Variants in DDX10 observed in about 807,000 individuals in gnomAD.
The protein encoded by DDX10 is probable ATP-dependent RNA helicase DDX10.
Under a neutral mutation model 104.3 loss-of-function variants are expected in DDX10, and 74 were observed. The observed-to-expected ratio is 0.71, with a 90% CI of 0.59 to 0.86. The LOEUF is 0.86. Among genes scored for constraint, DDX10 ranks in the 40% least tolerant of loss-of-function variants. The probability of loss-of-function intolerance (pLI) is 0.00; values close to 1 mark genes in which losing one functional copy is unlikely to be tolerated. For missense variants in DDX10, 952 were observed against 1,040.0 expected (o/e 0.92, Z 1.16); for synonymous variants, 351 against 353.4 (o/e 0.99, Z 0.08).
At position 108,719,896 on chromosome 11, in the gene DDX10, A is replaced by T; in HGVS notation, c.1499+11A>T. ...ACCTGAATATGCCCTGTAAGTATTC[A>T]TAATATAGTTGTAATAGTGAATCCT... On this transcript the variant is annotated intron_variant, in intron 12 of 17. Coordinates refer to ENST00000322536, the MANE Select transcript of DDX10 (RefSeq NM_004398.4). 1 of 1,425,224 alleles carries T rather than the reference A, an allele frequency of 7.0e-7. No homozygotes were observed. Among genetic ancestry groups the T allele is most frequent in the East Asian group, 2.3e-5 (1 of 43,914 alleles). 88.3% of individuals were successfully genotyped at this position (1,425,224 alleles called of 1,614,324 possible).
chr11:108,899,949 A>C (rs1202044958), intron 16 of DDX10, among the ~76,000 whole-genome samples: 14 of 152,124 alleles, frequency 9.2e-5, no homozygotes. Flanking sequence ...CCTCATCTCT[A>C]CTAAATACAA....
intron 13 of DDX10, among the ~76,000 whole-genome samples, chr11:108,829,273 T>C (rs1862438329): frequency 6.6e-6 from 1 of 152,218 alleles, no homozygotes; most frequent in South Asian, 2.1e-4. Flanking sequence ...TTATTTTTTA[T>C]TTTTTGATTA....
intron 17 of DDX10, among the ~76,000 whole-genome samples, chr11:108,923,126 G>A (rs1424048582): frequency 6.6e-6 from 1 of 152,096 alleles, no homozygotes; most frequent in African/African-American, 2.4e-5. Context: ...GTTAGGATTT[G>A]TTGTTGTTGT....
At chr11:108,738,544 T>A (rs924440601) in intron 13 of DDX10, among the ~76,000 whole-genome samples, 1 of 152,106 alleles carries the variant, frequency 6.6e-6, no homozygotes, top group Admixed American at 6.6e-5. Context: ...CTATCTAGTT[T>A]CCAGTGTGTC....
At chr11:108,733,197 A>G (rs1416434379) in intron 13 of DDX10, among the ~76,000 whole-genome samples, 1 of 151,876 alleles carries the variant, frequency 6.6e-6, no homozygotes, top group Admixed American at 6.6e-5. Context: ...CTAACTTTGA[A>G]GCTTATAAGT....
At chr11:108,811,259 G>A (rs1862176249) in intron 13 of DDX10, among the ~76,000 whole-genome samples, 1 of 152,194 alleles carries the variant, frequency 6.6e-6, no homozygotes, top group Admixed American at 6.5e-5. Context: ...ATAAAAATTA[G>A]GAAATGTGAC....
intron 16 of DDX10, among the ~76,000 whole-genome samples, chr11:108,879,760 T>C (rs757611817): frequency 1.6e-4 from 24 of 152,220 alleles, no homozygotes; most frequent in Non-Finnish European, 2.5e-4. Flanking sequence ...AAAATTTTAC[T>C]AATAAAAAAT....
chr11:108,880,430 A>G (rs1863212115), intron 16 of DDX10, among the ~76,000 whole-genome samples: 1 of 152,200 alleles, frequency 6.6e-6, no homozygotes, highest in Admixed American at 6.5e-5. Context: ...AATTTAATCC[A>G]TAACAGCATT....
intron 13 of DDX10, among the ~76,000 whole-genome samples, chr11:108,785,936 G>A (rs922616153): frequency 2.6e-5 from 4 of 152,040 alleles, no homozygotes; most frequent in African/African-American, 7.2e-5. Flanking sequence ...TAGGTGTGAT[G>A]TTAGATTCTT....
intron 9 of DDX10, among the ~76,000 whole-genome samples, chr11:108,703,880 G>A (rs1043693127): frequency 5.3e-5 from 8 of 152,270 alleles, no homozygotes; most frequent in African/African-American, 1.9e-4. Flanking sequence ...GAAAAGATGT[G>A]TGTAATGTAA....
At chr11:108,678,500 C>G in intron 5 of DDX10, 65 bp downstream of exon 5, 1 of 1,367,970 alleles carries the variant, frequency 7.3e-7, no homozygotes, top group African/African-American at 1.5e-5. Flanking sequence ...AGCCCTTATA[C>G]ATTTTTATGA....
intron 6 of DDX10, among the ~76,000 whole-genome samples, chr11:108,687,076 C>T (rs181090854): frequency 5.6e-4 from 85 of 152,246 alleles, no homozygotes; most frequent in African/African-American, 1.6e-3. Context: ...TGAGTCACTG[C>T]GCCCGGCCTC....
chr11:108,851,723 A>G (rs1403285596), intron 15 of DDX10, among the ~76,000 whole-genome samples: 1 of 152,126 alleles, frequency 6.6e-6, no homozygotes, highest in Non-Finnish European at 1.5e-5. Flanking sequence ...GAGATCAGTC[A>G]TTTTCTAAAG....
At chr11:108,887,258 T>TC (rs1863309420) in intron 16 of DDX10, among the ~76,000 whole-genome samples, 2 of 152,156 alleles carry the variant, frequency 1.3e-5, no homozygotes, top group Admixed American at 1.3e-4. Context: ...TCCAATGTGA[T>TC]AGTCAAGGCT....
chr11:108,674,547 G>A (rs1032494332), intron 2 of DDX10, among the ~76,000 whole-genome samples: 18 of 149,190 alleles, frequency 1.2e-4, no homozygotes, highest in African/African-American at 4.0e-4. Context: ...GTCTTGCTCC[G>A]TCACCCAGGG....
At chr11:108,784,309 TA>T (rs1179031580) in intron 13 of DDX10, among the ~76,000 whole-genome samples, 10 of 152,156 alleles carry the variant, frequency 6.6e-5, no homozygotes, top group Admixed American at 5.9e-4. Context: ...TAACATCTTT[TA>T]TTTTTTTGAC....
intron 16 of DDX10, among the ~76,000 whole-genome samples, chr11:108,908,040 A>G (rs1863619843): frequency 6.6e-6 from 1 of 152,220 alleles, no homozygotes; most frequent in Non-Finnish European, 1.5e-5. Flanking sequence ...CTTAGTAAAT[A>G]CATACTCACT....
At chr11:108,890,354 C>T (rs2134639311) in intron 16 of DDX10, among the ~76,000 whole-genome samples, 1 of 152,236 alleles carries the variant, frequency 6.6e-6, no homozygotes, top group East Asian at 1.9e-4. Context: ...CTTCTGCTCT[C>T]TAGTTACTTC....
Position 108,691,942 on chromosome 11 carries a change from C to T in DDX10, c.1042C>T (p.Arg348Ter). 6.8e-6 allele frequency: 11 copies of T among 1,613,948 alleles called. No individual in the cohort carries two copies. The highest frequency in any genetic ancestry group is 9.3e-6 in the Non-Finnish European group (11 of 1,179,990). Reference sequence around the variant, plus strand: ...TGTTTCTATCCTTGCACTCCATGGTCGACAGCAGCAAATGAGAAGAATGGA... The same window carrying T: ...TGTTTCTATCCTTGCACTCCATGGTTGACAGCAGCAAATGAGAAGAATGGA... ...PGVSILALHG[R>*]QQQMRRMEVY... The change falls in exon 8 of 18, where the codon CGA (arginine) becomes TGA (stop). Residue 348 changes from arginine to a stop codon, truncating the protein, a stop_gained. Transcript: ENST00000322536. LOFTEE classifies it high-confidence loss of function.
Sources: gnomAD v4.1 joint callset for allele counts (sites outside exome capture counted in the v4.1 genomes callset) on GRCh38, gnomAD v4.1.1 for gene constraint, MANE v1.5 for transcripts, NCBI Gene and HGNC (gene_info 2026-07-23, HGNC 2026-07-21) for gene names.